The following XRN2 variants were observed in gnomAD, a reference collection of about 807,000 sequenced individuals.
XRN2 encodes the protein DHM1-like protein.
In XRN2, 44 loss-of-function variants were observed where a neutral mutation model predicts 138.5. The ratio of observed to expected loss-of-function variants is 0.32; its 90% CI spans 0.25 to 0.41. The LOEUF is 0.41. XRN2 is among the 10% of genes least tolerant of loss of function. The pLI, the probability that XRN2 is intolerant of heterozygous loss-of-function variation, is 1.00. For missense variants in XRN2, 937 were observed against 1,169.3 expected (o/e 0.80, Z 2.90); for synonymous variants, 354 against 369.4 (o/e 0.96, Z 0.48).
chr20:21,305,553 CTTTTTTTTTT>C lies in XRN2; in HGVS notation c.75+2094_75+2103del, dbSNP rs1180206108. 2.5e-4 allele frequency among the ~76,000 whole-genome samples: 5 copies of C among 19,842 alleles called. 2 individuals carry two copies. Among genetic ancestry groups the C allele is most frequent in the Non-Finnish European group, 5.6e-4 (4 of 7,160 alleles). 13.0% of individuals were successfully genotyped at this position (19,842 alleles called of 152,430 possible). A position where few individuals can be genotyped will look rare whatever the true frequency, so the allele number is the denominator to read the frequency against. ...ACAGGCATGAGCCACCATACGTGGC[CTTTTTTTTTT>C]TTTTTTTTTTTTTGGATTTTTAGTA... On this transcript the variant is annotated intron_variant, in intron 1 of 29. Transcript: ENST00000377191.
chr20:21,331,411 A>ACACACT, intron 6 of XRN2, 150 bp from the exon 7 acceptor site: 1 of 628,644 alleles, frequency 1.6e-6, no homozygotes, highest in South Asian at 1.9e-5. Flanking sequence ...ACACACACAC[A>ACACACT]CACACACACA....
At chr20:21,310,648 ATTCTT>A (rs1568564569) in intron 1 of XRN2, among the ~76,000 whole-genome samples, 1 of 151,908 alleles carries the variant, frequency 6.6e-6, no homozygotes, top group Non-Finnish European at 1.5e-5. Context: ...GTTTTTTTCT[ATTCTT>A]TTATTTTAGC....
chr20:21,321,153 A>G (rs569902867), intron 1 of XRN2, among the ~76,000 whole-genome samples: 26 of 151,386 alleles, frequency 1.7e-4, no homozygotes, highest in Middle Eastern at 3.4e-3. Context: ...GTAAGCTGGG[A>G]TTACAGGTAT....
chr20:21,344,411 G>T (rs2038409752), intron 16 of XRN2, among the ~76,000 whole-genome samples: 2 of 152,128 alleles, frequency 1.3e-5, no homozygotes, highest in Non-Finnish European at 2.9e-5. Context: ...TAAGTGTCTA[G>T]ATTAGTATGC....
chr20:21,322,653 C>T (rs1276501990), intron 1 of XRN2, among the ~76,000 whole-genome samples: 1 of 152,144 alleles, frequency 6.6e-6, no homozygotes, highest in Non-Finnish European at 1.5e-5. Flanking sequence ...GCATGAAATT[C>T]ATTTTAGGGA....
chr20:21,355,584 A>G (rs1436818181), intron 21 of XRN2, among the ~76,000 whole-genome samples: 3 of 152,150 alleles, frequency 2.0e-5, no homozygotes, highest in African/African-American at 7.2e-5. Flanking sequence ...GTATATTCAT[A>G]CGTATTTCAG....
intron 1 of XRN2, among the ~76,000 whole-genome samples, chr20:21,310,420 G>A (rs1054402543): frequency 6.6e-6 from 1 of 152,018 alleles, no homozygotes; most frequent in African/African-American, 2.4e-5. Flanking sequence ...TATAACTTTT[G>A]GATTTTTCTG....
At chr20:21,364,679 T>G (rs1024845651) in intron 24 of XRN2, among the ~76,000 whole-genome samples, 1 of 151,940 alleles carries the variant, frequency 6.6e-6, no homozygotes, top group Non-Finnish European at 1.5e-5. Context: ...TGGTGTTGTG[T>G]ACCTGTAGTC....
chr20:21,342,201 G>A (rs1476934284), intron 15 of XRN2, among the ~76,000 whole-genome samples: 5 of 152,030 alleles, frequency 3.3e-5, no homozygotes, highest in African/African-American at 7.2e-5. Context: ...CAGATTTCTC[G>A]TGTTTTATTT....
At chr20:21,350,551 A>AG (rs2038496425) in intron 20 of XRN2, among the ~76,000 whole-genome samples, 1 of 146,526 alleles carries the variant, frequency 6.8e-6, no homozygotes, top group African/African-American at 2.5e-5. Context: ...AAAAAAAAAA[A>AG]AAGAAATATC....
intron 29 of XRN2, among the ~76,000 whole-genome samples, chr20:21,388,874 T>C (rs570696961): frequency 5.3e-5 from 8 of 152,352 alleles, no homozygotes; most frequent in African/African-American, 1.9e-4. Context: ...CTTGCCTTGG[T>C]TAAAGCAAAG....
chr20:21,323,573 T>C (rs908770872), intron 1 of XRN2, among the ~76,000 whole-genome samples: 4 of 152,298 alleles, frequency 2.6e-5, no homozygotes, highest in African/African-American at 7.2e-5. Context: ...AAAGGAATTC[T>C]AAAGTTACAT....
At chr20:21,383,938 T>G (rs1214106125) in intron 28 of XRN2, among the ~76,000 whole-genome samples, 1 of 152,200 alleles carries the variant, frequency 6.6e-6, no homozygotes, top group East Asian at 1.9e-4. Flanking sequence ...ATCACAGACA[T>G]TTAAGAAAGA....
intron 1 of XRN2, chr20:21,303,869 T>C: frequency 3.0e-6 from 3 of 985,148 alleles, no homozygotes; most frequent in Non-Finnish European, 3.6e-6. Context: ...TAGCGGGTTA[T>C]GGATGCACGG....
chr20:21,329,635 G>T (rs1312408036), intron 4 of XRN2, among the ~76,000 whole-genome samples: 2 of 152,070 alleles, frequency 1.3e-5, no homozygotes, highest in African/African-American at 4.8e-5. Context: ...CAATGTTTCT[G>T]ATTTTAAGAA....
chr20:21,336,831 A>G (rs569621592), intron 13 of XRN2, among the ~76,000 whole-genome samples: 3 of 152,338 alleles, frequency 2.0e-5, no homozygotes, highest in African/African-American at 7.2e-5. Flanking sequence ...AGGTGACGAG[A>G]GATGGCCTCA....
intron 16 of XRN2, among the ~76,000 whole-genome samples, 192 bp downstream of exon 16, chr20:21,344,400 C>T (rs1421471100): frequency 6.6e-6 from 1 of 152,082 alleles, no homozygotes; most frequent in African/African-American, 2.4e-5. Flanking sequence ...GCTGTTAAAC[C>T]TAAGTGTCTA....
At chr20:21,340,643 A>G in intron 14 of XRN2, 78 bp from the exon 15 acceptor site, 1 of 1,528,610 alleles carries the variant, frequency 6.5e-7, no homozygotes, top group Non-Finnish European at 8.9e-7. Context: ...ACTTTATTCC[A>G]TTGCCCTTCT....
At chr20:21,377,264 C>CTTTTTTTTCTTTTTTTTTTTTT (rs2038834045) in intron 27 of XRN2, among the ~76,000 whole-genome samples, 1 of 82,782 alleles carries the variant, frequency 1.2e-5, no homozygotes, top group African/African-American at 5.4e-5. Context: ...TCGGTTTTTT[C>CTTTTTTTTCTTTTTTTTTTTTT]TTTTTTTTTT....
Sources: allele counts gnomAD v4.1 joint callset (sites outside exome capture counted in the v4.1 genomes callset), GRCh38; gene constraint gnomAD v4.1.1; transcripts MANE v1.5; gene names NCBI Gene and HGNC (gene_info 2026-07-23, HGNC 2026-07-21).